ENAM: variants seen among roughly 807,000 people sequenced by gnomAD.
ENAM encodes the protein amelogenesis imperfecta 2, hypocalcification (autosomal dominant).
A neutral mutation model predicts 33.6 loss-of-function variants in ENAM; 21 were observed. That is an observed-to-expected ratio of 0.63 (90% CI 0.44 to 0.90). The LOEUF is 0.90. Among genes scored for constraint, ENAM ranks in the 40% least tolerant of loss-of-function variants. ENAM has a pLI of 0.00. For synonymous variants in ENAM, 473 were observed against 468.4 expected, an observed-to-expected ratio of 1.01 and a Z score of -0.13; for missense variants, 1,388 against 1,366.9, an observed-to-expected ratio of 1.02 and a Z score of -0.24.
At chr4:70,632,733 A>C in intron 5 of ENAM, 41 bp downstream of exon 5, 1 of 1,365,492 alleles carries the variant, frequency 7.3e-7, no homozygotes, top group Non-Finnish European at 1.0e-6. Flanking sequence ...TTTCTTGTTT[A>C]TCTAGATAAC....
chr4:70,635,829 T>C lies in ENAM; in HGVS notation c.472-3T>C, dbSNP rs983957106. On this transcript the variant is annotated splice_region_variant and splice_polypyrimidine_tract_variant and intron_variant, in intron 6 of 8. Coordinates refer to ENST00000396073, the MANE Select transcript of ENAM (RefSeq NM_031889.3). ...ATCACTCTGATTCTTTCTTTCTCTC[T>C]AGGCATTCCCACCATTTGGAAATGG... 1 of 1,586,280 alleles carries C rather than the reference T, an allele frequency of 6.3e-7. No homozygotes were observed. The highest frequency in any genetic ancestry group is 8.7e-7 in the Non-Finnish European group (1 of 1,155,272).
In ENAM at chr4:70,632,666, C is replaced by A; in HGVS notation, c.184C>A (p.Gln62Lys). ...TTGGTTGCAGATGATGCGGTATAAT[C>A]AATTCAACTTTATGAACGGCCCACA... ...SKSEEMMRYNQFNFMNGPHMA... is the reference protein window; with the variant it reads ...SKSEEMMRYNKFNFMNGPHMA... Residue 62 changes from glutamine (Q) to lysine (K), a missense_variant, in exon 5 of 9, where the codon CAA becomes AAA. Physicochemically the swap from Gln to Lys is moderately conservative, Grantham distance 53 (BLOSUM62 1). Coordinates refer to ENST00000396073, the MANE Select transcript of ENAM (RefSeq NM_031889.3). The A allele has an allele frequency of 6.2e-7, 1 of 1,604,454 alleles. No homozygotes were observed. The highest frequency in any genetic ancestry group is 8.5e-7 in the Non-Finnish European group (1 of 1,171,452).
Position 70,644,562 on chromosome 4 carries a change from C to T in ENAM, c.3136C>T (p.Gln1046Ter). The change falls in exon 9 of 9, where the codon CAG (glutamine) becomes TAG (stop). Residue 1046 changes from glutamine (Q) to a stop codon, truncating the protein, a stop_gained. Transcript: ENST00000396073. LOFTEE classifies it high-confidence loss of function. ...QVQENESERQ[Q>*]QRPSNILHLP... is the part of the protein sequence containing the mutation. The stretch of plus-strand genomic sequence containing the variant: ...CCAAGAAAATGAGAGTGAGAGGCAA[C>T]AGCAAAGACCATCTAACATTCTGCA... 2 of 1,613,554 alleles carry T rather than the reference C, an allele frequency of 1.2e-6. No individual in the cohort carries two copies. Among genetic ancestry groups the T allele is most frequent in the South Asian group, 1.1e-5 (1 of 91,044 alleles).
rs1738631632 is a variant in ENAM, at chr4:70,642,635, A to G, written c.1209A>G (p.Arg403=). The G allele has an allele frequency of 6.2e-7, 1 of 1,613,982 alleles. No individual in the cohort carries two copies. The highest frequency in any genetic ancestry group is 1.7e-5 in the Admixed American group (1 of 59,996). Residue 403 remains arginine (R), a synonymous_variant, in exon 9 of 9, where the codon AGA becomes AGG. Transcript: ENST00000396073. ...NYAGNPANLR[R]KPQGPNKHPV... is the part of the protein sequence containing the mutation. ...CAGGAAATCCAGCAAATCTCAGAAG[A>G]AAGCCTCAGGGGCCAAATAAACACC...
chr4:70,637,556 A>G, intron 7 of ENAM: 1 of 544,930 alleles, frequency 1.8e-6, no homozygotes, highest in Non-Finnish European at 3.3e-6. Flanking sequence ...AGAGTATTTT[A>G]AGTAGGATAA....
At chr4:70,631,937 T>C (rs371159982) in intron 4 of ENAM, 44 bp downstream of exon 4, 23 of 1,483,866 alleles carry the variant, frequency 1.6e-5, no homozygotes, top group Non-Finnish European at 2.2e-5. Context: ...CAGAGTCCTA[T>C]CCTACACATT....
At chr4:70,640,708 A>C (rs1362003820) in intron 8 of ENAM, among the ~76,000 whole-genome samples, 2 of 152,162 alleles carry the variant, frequency 1.3e-5, no homozygotes, top group Non-Finnish European at 2.9e-5. Flanking sequence ...TCCATATTAC[A>C]AATGAATAAA....
chr4:70,642,084 T>A lies in ENAM; in HGVS notation c.658T>A (p.Phe220Ile). 1.2e-6 allele frequency: 2 copies of A among 1,614,054 alleles called. No homozygotes were observed. The highest frequency in any genetic ancestry group is 1.3e-5 in the African/African-American group (1 of 75,026). Residue 220 changes from phenylalanine to isoleucine, a missense_variant, in exon 9 of 9, where the codon TTT becomes ATT. Coordinates refer to ENST00000396073, the MANE Select transcript of ENAM (RefSeq NM_031889.3). The part of the protein sequence containing the change: ...GRPPYYSEEM[F>I]EQDFEKPKEE... Reference sequence around the variant, plus strand: ...CCCTCCTTATTATTCAGAAGAAATGTTTGAACAAGATTTTGAAAAACCCAA... The same window carrying A: ...CCCTCCTTATTATTCAGAAGAAATGATTGAACAAGATTTTGAAAAACCCAA...
Position 70,643,698 on chromosome 4 carries a change from A to C in ENAM, c.2272A>C (p.Thr758Pro), listed in dbSNP as rs146261709. ...TAATGCCGCTGGACCAGAAGAAAGC[A>C]CTCTATTTCCTTCACGGAATTCCTG... ...VNNAAGPEESTLFPSRNSWDH... is the reference protein window; with the variant it reads ...VNNAAGPEESPLFPSRNSWDH... Residue 758 changes from threonine (T) to proline (P), a missense_variant, in exon 9 of 9, where the codon ACT (threonine) becomes CCT (proline). Coordinates refer to ENST00000396073, the MANE Select transcript of ENAM (RefSeq NM_031889.3). 32 of 1,613,936 alleles carry C rather than the reference A, an allele frequency of 2.0e-5. No homozygotes were observed. The African/African-American group carries it at 4.0e-4, about 20-fold the overall frequency.
chr4:70,635,032 T>TAA (rs1738416265), intron 6 of ENAM, among the ~76,000 whole-genome samples: 1 of 152,144 alleles, frequency 6.6e-6, no homozygotes, highest in Non-Finnish European at 1.5e-5. Flanking sequence ...GGTAAGAAGA[T>TAA]GTGCAAATGG....
At position 70,634,523 on chromosome 4, in the gene ENAM, A is replaced by G. The variant is rs753395224; in HGVS notation, c.426A>G (p.Pro142=). ...KPPQKRPLKQ[P]SHNQPQPEEE... ...CACAAAAGCGGCCTTTGAAGCAGCC[A>G]TCACATAATCAACCTCAGCCCGAAG... Residue 142 remains proline (P), a synonymous_variant, in exon 6 of 9, where the codon CCA becomes CCG. Coordinates refer to ENST00000396073, the MANE Select transcript of ENAM (RefSeq NM_031889.3). 10 of 1,614,200 alleles carry G rather than the reference A, an allele frequency of 6.2e-6. No homozygotes were observed. The highest frequency in any genetic ancestry group is 5.5e-5 in the South Asian group (5 of 91,088).
chr4:70,635,590 T>C lies in ENAM; in HGVS notation c.472-242T>C, dbSNP rs150301123. ...ATGGGAATAGTAATAGTTTATATCT[T>C]CTATGGTTATATGAGGATGAAATGA... On this transcript the variant is annotated intron_variant, in intron 6 of 8. Transcript: ENST00000396073. Among the ~76,000 whole-genome samples the C allele has an allele frequency of 3.3e-3, 503 of 152,290 alleles. 2 individuals carry two copies. Among genetic ancestry groups the C allele is most frequent in the African/African-American group, 0.011 (466 of 41,556 alleles).
At chr4:70,630,324 A>G (rs1228789532) in intron 2 of ENAM, among the ~76,000 whole-genome samples, 1 of 152,224 alleles carries the variant, frequency 6.6e-6, no homozygotes, top group Non-Finnish European at 1.5e-5. Flanking sequence ...ATTATGCTAG[A>G]TAGATTTTAT....
chr4:70,632,901 C>G (rs545726512), intron 5 of ENAM, among the ~76,000 whole-genome samples: 12 of 152,046 alleles, frequency 7.9e-5, no homozygotes, highest in Non-Finnish European at 1.3e-4. Context: ...TCATGTAAAT[C>G]AAAATAATTA....
rs1473020028 is a variant in ENAM, at chr4:70,643,655, C to G, written c.2229C>G (p.Ser743Arg). 6.2e-7 allele frequency: 1 copy of G among 1,613,946 alleles called. No individual in the cohort carries two copies. The highest frequency in any genetic ancestry group is 1.3e-5 in the African/African-American group (1 of 74,914). The change falls in exon 9 of 9, where the codon AGC becomes AGG. Residue 743 changes from serine to arginine, a missense_variant. By Grantham distance (110) the Ser-to-Arg change is moderately radical. Coordinates refer to ENST00000396073, the MANE Select transcript of ENAM (RefSeq NM_031889.3). ...CTACTATGCCACCACCTATAGAGAG[C>G]AGGGGCTACTACGTTAATAATGCCG... Reference protein sequence around the residue: ...TASTMPPPIESRGYYVNNAAG... With the variant: ...TASTMPPPIERRGYYVNNAAG...
At position 70,628,955 on chromosome 4, in the gene ENAM, T is replaced by C. The variant is rs1280501053; in HGVS notation, c.-70T>C. 1 of 153,054 alleles carries C rather than the reference T, an allele frequency of 6.5e-6. No individual in the cohort carries two copies. Among genetic ancestry groups the C allele is most frequent in the Non-Finnish European group, 1.5e-5 (1 of 68,630 alleles). 9.5% of individuals were successfully genotyped at this position (153,054 alleles called of 1,614,324 possible). On this transcript the variant is annotated 5_prime_UTR_variant, in exon 1 of 9. Transcript: ENST00000396073. ...ATTTTTTATATATTACAGCTTCTAA[T>C]TGGCATTGGGTGAGTATTAGAGATT...
chr4:70,633,239 G>T (rs1049181050), intron 5 of ENAM, among the ~76,000 whole-genome samples: 1 of 152,036 alleles, frequency 6.6e-6, no homozygotes, highest in Non-Finnish European at 1.5e-5. Context: ...CATCACTTTT[G>T]ATTTCCATGG....
Position 70,634,630 on chromosome 4 carries a change from T to C in ENAM, c.471+62T>C, listed in dbSNP as rs1738407181. 3.3e-6 allele frequency: 5 copies of C among 1,506,354 alleles called. No homozygotes were observed. In the South Asian group the frequency reaches 3.4e-5, roughly 10 times the overall value. The allele number at this position is 1,506,354 out of a possible 1,614,324, so 93.3% of individuals were successfully genotyped here. ...GGCCTCGGAGAGATTTGGAGGGCCATGCCACCCCCATATACACACTTCAAT... is the reference window on the plus strand; with the variant it reads ...GGCCTCGGAGAGATTTGGAGGGCCACGCCACCCCCATATACACACTTCAAT... On this transcript the variant is annotated intron_variant, in intron 6 of 8. Transcript: ENST00000396073.
intron 2 of ENAM, among the ~76,000 whole-genome samples, chr4:70,630,333 A>G (rs1738279211): frequency 6.6e-6 from 1 of 152,220 alleles, no homozygotes; most frequent in Admixed American, 6.5e-5. Context: ...GATAGATTTT[A>G]TGTCCAGAAA....
Sources: gnomAD v4.1 joint callset for allele counts (sites outside exome capture counted in the v4.1 genomes callset) on GRCh38, gnomAD v4.1.1 for gene constraint, MANE v1.5 for transcripts, NCBI Gene and HGNC (gene_info 2026-07-23, HGNC 2026-07-21) for gene names.